Variants in RC3H2 observed in about 807,000 individuals in gnomAD.
The protein encoded by RC3H2 is ring finger and CCCH-type domains 2, also known as roquin-2.
Under a neutral mutation model 133.3 loss-of-function variants are expected in RC3H2, and 31 were observed. That is an observed-to-expected ratio of 0.23 (90% CI 0.17 to 0.31). The LOEUF (loss-of-function observed/expected upper bound fraction) is 0.31. RC3H2 is among the 10% of genes least tolerant of loss of function. The pLI is 1.00. For missense variants in RC3H2, 1,175 were observed against 1,437.2 expected (o/e 0.82, Z 2.95); for synonymous variants, 517 against 502.2 (o/e 1.03, Z -0.40).
In RC3H2 at chr9:122,846,209, T is replaced by C. The variant is rs1829864952; in HGVS notation, c.*3418A>G. 6.6e-6 allele frequency: 1 copy of C among 152,194 alleles called. No homozygotes were observed. Among genetic ancestry groups the C allele is most frequent in the Non-Finnish European group, 1.5e-5 (1 of 68,030 alleles). The allele number at this position is 152,194 out of a possible 1,614,324, so 9.4% of individuals were successfully genotyped here. ...TTATATACTTAACCTCAAATTGAAATCTGAAAGTGACTAGATCCATACAAA... is the reference window on the plus strand; with the variant it reads ...TTATATACTTAACCTCAAATTGAAACCTGAAAGTGACTAGATCCATACAAA... On this transcript the variant is annotated 3_prime_UTR_variant, in exon 21 of 21. Transcript: ENST00000357244.
chr9:122,849,644 T>C lies in RC3H2; in HGVS notation c.3559A>G (p.Lys1187Glu). 6.2e-7 allele frequency: 1 copy of C among 1,612,830 alleles called. No individual in the cohort carries two copies. Among genetic ancestry groups the C allele is most frequent in the South Asian group, 1.1e-5 (1 of 90,978 alleles). The change falls in exon 21 of 21, where the codon AAG (lysine) becomes GAG (glutamate). Residue 1187 changes from lysine (K) to glutamate (E), a missense_variant. Lys to Glu is a moderately conservative substitution (Grantham distance 56). This residue lies in a region of RC3H2 where 220 missense variants were observed against 201.1 expected (regional missense o/e 1.09). Transcript: ENST00000357244. Reference protein sequence around the residue: ...NDFLKPVANGKMVNS With the variant: ...NDFLKPVANGEMVNS ...ACCTCCTTTCAGCTGTTAACCATCTTCCCATTTGCAACAGGTTTTAAAAAG... is the reference window on the plus strand; with the variant it reads ...ACCTCCTTTCAGCTGTTAACCATCTCCCCATTTGCAACAGGTTTTAAAAAG...
At chr9:122,895,584 C>T (rs778349615) in intron 2 of RC3H2, among the ~76,000 whole-genome samples, 14 of 152,244 alleles carry the variant, frequency 9.2e-5, no homozygotes, top group African/African-American at 3.1e-4. Context: ...AATTAAGATA[C>T]ACTATCAATT....
chr9:122,878,413 G>A (rs1831436869), intron 8 of RC3H2, among the ~76,000 whole-genome samples: 1 of 151,988 alleles, frequency 6.6e-6, no homozygotes, highest in African/African-American at 2.4e-5. Context: ...TGGGACTACA[G>A]GCGCCTGCCA....
chr9:122,866,658 C>T (rs1462614490), intron 9 of RC3H2, among the ~76,000 whole-genome samples: 3 of 152,136 alleles, frequency 2.0e-5, no homozygotes, highest in East Asian at 3.9e-4. Context: ...CCGCCAGCCT[C>T]GGCCTCCGGA....
intron 20 of RC3H2, among the ~76,000 whole-genome samples, chr9:122,850,453 T>C (rs1164589004): frequency 6.6e-6 from 1 of 151,820 alleles, no homozygotes; most frequent in Non-Finnish European, 1.5e-5. Flanking sequence ...GATAGATAGA[T>C]AGATAATTTT....
chr9:122,854,620 A>C lies in RC3H2; in HGVS notation c.2816-5T>G. The C allele has an allele frequency of 1.2e-6, 2 of 1,600,502 alleles. No homozygotes were observed. The highest frequency in any genetic ancestry group is 1.7e-6 in the Non-Finnish European group (2 of 1,167,514). On this transcript the variant is annotated splice_polypyrimidine_tract_variant and splice_region_variant and intron_variant, in intron 15 of 20. Transcript: ENST00000357244. ...CATTGACATAAGGGACATAATCTACAGACATGTAGAATGAAACAATGGTCA... is the reference window on the plus strand; with the variant it reads ...CATTGACATAAGGGACATAATCTACCGACATGTAGAATGAAACAATGGTCA...
intron 18 of RC3H2, among the ~76,000 whole-genome samples, chr9:122,853,378 TAAAA>T (rs72033785): frequency 1.1e-4 from 9 of 83,736 alleles, no homozygotes; most frequent in African/African-American, 3.1e-4. Context: ...GAATGATCAA[TAAAA>T]AAAAAAAAAA....
intron 9 of RC3H2, among the ~76,000 whole-genome samples, chr9:122,868,805 TTATAA>T (rs1407700195): frequency 4.0e-5 from 6 of 150,292 alleles, no homozygotes; most frequent in Admixed American, 3.3e-4. Flanking sequence ...CAAAATTTCA[TTATAA>T]TATAATCCTT....
At chr9:122,866,567 A>G (rs1369771141) in intron 9 of RC3H2, among the ~76,000 whole-genome samples, 3 of 151,740 alleles carry the variant, frequency 2.0e-5, no homozygotes, top group Non-Finnish European at 4.4e-5. Flanking sequence ...GCCACGCCTG[A>G]CTGGTTTTCT....
rs1831729048 is a variant in RC3H2 at position 122,883,197 on chromosome 9, T to C, written c.759+7A>G. The C allele has an allele frequency of 6.2e-7, 1 of 1,610,228 alleles. No homozygotes were observed. ...GGCATGTCTTTACATAGATACTTAC[T>C]GCTTACCTTAAAACAAGAAGCTCGA... On this transcript the variant is annotated splice_region_variant and intron_variant, in intron 5 of 20. Coordinates refer to ENST00000357244, the MANE Select transcript of RC3H2 (RefSeq NM_001100588.3).
intron 3 of RC3H2, among the ~76,000 whole-genome samples, chr9:122,892,540 T>C (rs556162897): frequency 1.1e-4 from 16 of 152,242 alleles, no homozygotes; most frequent in African/African-American, 3.8e-4. Context: ...GCCTCCGGAA[T>C]AGCTGGAACT....
intron 1 of RC3H2, among the ~76,000 whole-genome samples, chr9:122,900,543 C>T (rs947550306): frequency 2.0e-5 from 3 of 151,976 alleles, no homozygotes; most frequent in Admixed American, 2.0e-4. Flanking sequence ...GGTAAATATC[C>T]TATAGTTTTT....
At chr9:122,854,478 G>C in intron 16 of RC3H2, 53 bp downstream of exon 16, 1 of 1,383,670 alleles carries the variant, frequency 7.2e-7, no homozygotes, top group South Asian at 1.2e-5. Context: ...GTACCCTTAA[G>C]ATACATACAA....
chr9:122,902,868 T>G (rs1467500621), intron 1 of RC3H2, among the ~76,000 whole-genome samples: 2 of 150,664 alleles, frequency 1.3e-5, no homozygotes. Context: ...AAAAAAAAAG[T>G]TAAAATAGCT....
At chr9:122,899,385 C>G (rs1038501862) in intron 1 of RC3H2, among the ~76,000 whole-genome samples, 1 of 151,926 alleles carries the variant, frequency 6.6e-6, no homozygotes, top group Non-Finnish European at 1.5e-5. Context: ...CCACCGCGCC[C>G]GGCCCTGCGC....
intron 1 of RC3H2, among the ~76,000 whole-genome samples, chr9:122,902,938 ATGT>A (rs1369059845): frequency 5.9e-5 from 9 of 152,116 alleles, no homozygotes; most frequent in African/African-American, 2.2e-4. Flanking sequence ...TCATTTCAAC[ATGT>A]TGTCAATATT....
At chr9:122,860,557 G>C (rs969543288) in intron 10 of RC3H2, among the ~76,000 whole-genome samples, 1 of 151,808 alleles carries the variant, frequency 6.6e-6, no homozygotes, top group Non-Finnish European at 1.5e-5. Flanking sequence ...GGGACTACAA[G>C]TGCATGCCAC....
Position 122,860,097 on chromosome 9 carries a change from T to G in RC3H2, c.1669A>C (p.Asn557His). 6.2e-7 allele frequency: 1 copy of G among 1,614,100 alleles called. No individual in the cohort carries two copies. The highest frequency in any genetic ancestry group is 1.1e-5 in the South Asian group (1 of 91,076). ...IGSPPKTPVS[N>H]VAATSAGPSN... is the part of the protein sequence containing the mutation. Reference sequence around the variant, plus strand: ...GGCCCAGCTGAGGTAGCTGCTACATTACTTACAGGAGTCTTGGGTGGAGAA... The same window carrying G: ...GGCCCAGCTGAGGTAGCTGCTACATGACTTACAGGAGTCTTGGGTGGAGAA... Residue 557 changes from asparagine to histidine, a missense_variant, in exon 11 of 21, where the codon AAT (asparagine) becomes CAT (histidine). By Grantham distance (68) the Asn-to-His change is moderately conservative. Transcript: ENST00000357244.
intron 9 of RC3H2, 99 bp downstream of exon 9, chr9:122,877,372 T>C: frequency 2.2e-6 from 2 of 921,232 alleles, no homozygotes; most frequent in South Asian, 1.5e-5. Context: ...AGCCCTTAAC[T>C]TGCATTTTTG....
Sources: gnomAD v4.1 joint callset for allele counts (sites outside exome capture counted in the v4.1 genomes callset) on GRCh38, gnomAD v4.1.1 for gene constraint, gnomAD v4.1.1 regional missense constraint, MANE v1.5 for transcripts, NCBI Gene and HGNC (gene_info 2026-07-23, HGNC 2026-07-21) for gene names.